The following ADH6 variants were observed in gnomAD, a reference collection of about 807,000 sequenced individuals.
The protein encoded by ADH6 is alcohol dehydrogenase 6.
A neutral mutation model predicts 36.5 loss-of-function variants in ADH6; 34 were observed. That is an observed-to-expected ratio of 0.93 (90% CI 0.71 to 1.24). The LOEUF is 1.24. ADH6 is among the 50% of genes most tolerant of loss of function. The pLI is 0.00. For missense variants in ADH6, 440 were observed against 447.0 expected (o/e 0.98, Z 0.14); for synonymous variants, 161 against 155.5 (o/e 1.04, Z -0.26).
At chr4:99,216,315 G>A in intron 1 of ADH6, 53 bp from the exon 2 acceptor site, 2 of 1,156,378 alleles carry the variant, frequency 1.7e-6, no homozygotes, top group Non-Finnish European at 1.2e-6. Context: ...CTTGGGAGTT[G>A]GAAGATTGCT....
intron 7 of ADH6, among the ~76,000 whole-genome samples, chr4:99,206,452 T>A (rs551280159): frequency 6.6e-6 from 1 of 152,268 alleles, no homozygotes; most frequent in South Asian, 2.1e-4. Context: ...GAATTAACAT[T>A]ATCATCTATA....
At position 99,202,750 on chromosome 4, in the gene ADH6, A is replaced by G. The variant is rs1730899932; in HGVS notation, c.*1469T>C. The stretch of plus-strand genomic sequence containing the variant: ...GACCCGAAGACTCCTCCAAGTTCTC[A>G]CTGTTAGTAAGGTCAATTTGGGGGC... On this transcript the variant is annotated 3_prime_UTR_variant, in exon 9 of 9. Transcript: ENST00000394899. The G allele has an allele frequency of 5.0e-6, 2 of 398,082 alleles. No homozygotes were observed. The highest frequency in any genetic ancestry group is 4.4e-5 in the Admixed American group (1 of 22,694). The allele number at this position is 398,082 out of a possible 1,614,324, so 24.7% of individuals were successfully genotyped here. A position where few individuals can be genotyped will look rare whatever the true frequency, so the allele number is the denominator to read the frequency against.
chr4:99,212,217 G>A (rs531641380), intron 3 of ADH6, among the ~76,000 whole-genome samples: 1 of 152,228 alleles, frequency 6.6e-6, no homozygotes, highest in African/African-American at 2.4e-5. Context: ...TGCATTTAGA[G>A]TCGAGCAAAT....
intron 8 of ADH6, 25 bp from the exon 9 acceptor site, chr4:99,204,268 A>G (rs768253305): frequency 1.2e-4 from 191 of 1,596,756 alleles, no homozygotes; most frequent in Admixed American, 1.5e-4. Flanking sequence ...AAGAGAAAAA[A>G]GGTTGGAACA....
chr4:99,215,344 T>C (rs188405298), intron 2 of ADH6, among the ~76,000 whole-genome samples: 1 of 152,316 alleles, frequency 6.6e-6, no homozygotes, highest in Non-Finnish European at 1.5e-5. Flanking sequence ...ATTAAAATAA[T>C]AACAAAGGAC....
chr4:99,218,514 C>T (rs1355771592), intron 1 of ADH6, among the ~76,000 whole-genome samples: 1 of 152,194 alleles, frequency 6.6e-6, no homozygotes, highest in Non-Finnish European at 1.5e-5. Flanking sequence ...GATGTTGTTA[C>T]CATTTGCTTA....
At chr4:99,208,952 T>A (rs372636724) in intron 5 of ADH6, 24 bp from the exon 6 acceptor site, 6 of 1,590,296 alleles carry the variant, frequency 3.8e-6, no homozygotes, top group Admixed American at 3.6e-5. Flanking sequence ...GGCAGAAAAC[T>A]CAGAAAACAA....
chr4:99,216,307 TG>T, intron 1 of ADH6, 45 bp from the exon 2 acceptor site: 1 of 1,326,238 alleles, frequency 7.5e-7, no homozygotes, highest in Non-Finnish European at 1.0e-6. Context: ...TCCTTAAGCT[TG>T]GGAGTTGGAA....
chr4:99,210,081 C>T lies in ADH6; in HGVS notation c.567+1G>A. On this transcript the variant is annotated splice_donor_variant, in intron 5 of 8. Transcript: ENST00000394899. LOFTEE classifies it high-confidence loss of function. Reference sequence around the variant, plus strand: ...TCCAAATGGGTATAAATGCCCCTCACCTTGGCAGTATTGATTGCAGCACCA... The same window carrying T: ...TCCAAATGGGTATAAATGCCCCTCATCTTGGCAGTATTGATTGCAGCACCA... 1 of 1,613,328 alleles carries T rather than the reference C, an allele frequency of 6.2e-7. No homozygotes were observed. The highest frequency in any genetic ancestry group is 8.5e-7 in the Non-Finnish European group (1 of 1,179,586).
rs745870343 is a variant in ADH6 at position 99,204,928 on chromosome 4, T to A, written c.1100A>T (p.Lys367Ile). 1.9e-6 allele frequency: 3 copies of A among 1,606,258 alleles called. No homozygotes were observed. In the African/African-American group the frequency reaches 4.0e-5, roughly 22 times the overall value. The change falls in exon 8 of 9, where the codon AAA becomes ATA. Residue 367 changes from lysine (K) to isoleucine (I), a missense_variant. By Grantham distance (102) the Lys-to-Ile change is moderately radical (BLOSUM62 -3). Transcript: ENST00000394899. ...NEAVELMKTG[K>I]CIRCILLL is the part of the protein sequence containing the mutation. ...AAAATTTATGTGGGCAGTTTACCAT[T>A]TTCCAGTTTTCATTAATTCAACTGC...
chr4:99,204,768 C>T, intron 8 of ADH6, 157 bp downstream of exon 8: 1 of 1,303,076 alleles, frequency 7.7e-7, no homozygotes, highest in Non-Finnish European at 9.7e-7. Context: ...AAACAAAATG[C>T]AGAGGGGAAG....
intron 2 of ADH6, among the ~76,000 whole-genome samples, 198 bp from the exon 3 acceptor site, chr4:99,213,945 A>T (rs1297180208): frequency 1.3e-5 from 2 of 152,242 alleles, no homozygotes; most frequent in Non-Finnish European, 2.9e-5. Context: ...CTGATTTCAG[A>T]ATCAAGATGA....
chr4:99,206,947 TA>T, intron 7 of ADH6, among the ~76,000 whole-genome samples: 1 of 152,222 alleles, frequency 6.6e-6, no homozygotes, highest in East Asian at 1.9e-4. Context: ...TTCCTCTGGG[TA>T]AAATAATTCT....
intron 2 of ADH6, among the ~76,000 whole-genome samples, chr4:99,215,404 A>G (rs1461367860): frequency 6.6e-6 from 1 of 152,242 alleles, no homozygotes; most frequent in Non-Finnish European, 1.5e-5. Context: ...GGAGGCCTAT[A>G]GAACCATCTG....
chr4:99,204,966 A>T lies in ADH6; in HGVS notation c.1062T>A (p.Asp354Glu). 6.2e-7 allele frequency: 1 copy of T among 1,608,680 alleles called. No homozygotes were observed. The highest frequency in any genetic ancestry group is 8.5e-7 in the Non-Finnish European group (1 of 1,178,074). ...DPLITHTLNL[D>E]KINEAVELMK... is the part of the protein sequence containing the mutation. ...TTAATTCAACTGCTTCATTGATTTT[A>T]TCAAGATTCAGAGTATGAGTAATTA... Residue 354 changes from aspartate (D) to glutamate (E), a missense_variant, in exon 8 of 9, where the codon GAT (aspartate) becomes GAA (glutamate). Physicochemically the swap from Asp to Glu is conservative, Grantham distance 45 (BLOSUM62 2). Transcript: ENST00000394899.
chr4:99,209,643 T>C (rs928635784), intron 5 of ADH6, among the ~76,000 whole-genome samples: 1 of 152,148 alleles, frequency 6.6e-6, no homozygotes, highest in Non-Finnish European at 1.5e-5. Context: ...TCCTTTTCTT[T>C]TTATTAGCAT....
intron 5 of ADH6, 106 bp from the exon 6 acceptor site, chr4:99,209,034 C>T (rs1731135037): frequency 1.6e-6 from 2 of 1,225,250 alleles, no homozygotes; most frequent in Non-Finnish European, 2.2e-6. Flanking sequence ...TTTAACGAGT[C>T]ATAAGCAAAT....
chr4:99,202,667 CAA>C lies in ADH6; in HGVS notation c.*1550_*1551del. 1 of 397,688 alleles carries C rather than the reference CAA, an allele frequency of 2.5e-6. No homozygotes were observed. The highest frequency in any genetic ancestry group is 4.4e-6 in the Non-Finnish European group (1 of 225,410). The allele number at this position is 397,688 out of a possible 1,614,324, so 24.6% of individuals were successfully genotyped here. A position where few individuals can be genotyped will look rare whatever the true frequency, so the allele number is the denominator to read the frequency against. ...CTTAAGGAACCGAGCTTTATTGGAGCAAAGAGTGTGGACACTGTTTACAACAA... is the reference window on the plus strand; with the variant it reads ...CTTAAGGAACCGAGCTTTATTGGAGCAGAGTGTGGACACTGTTTACAACAA... On this transcript the variant is annotated 3_prime_UTR_variant, in exon 9 of 9. Coordinates refer to ENST00000394899, the MANE Select transcript of ADH6 (RefSeq NM_001102470.2).
Position 99,207,518 on chromosome 4 carries a change from C to T in ADH6, c.892G>A (p.Ala298Thr), listed in dbSNP as rs1203065599. ...GVCVVVGVLP[A>T]SVQLKISGQL... ...CCACTGATTTTGAGTTGAACACTGGCAGGCAACACCCCAACAACCACACAG... is the reference window on the plus strand; with the variant it reads ...CCACTGATTTTGAGTTGAACACTGGTAGGCAACACCCCAACAACCACACAG... Residue 298 changes from alanine to threonine, a missense_variant, in exon 7 of 9, where the codon GCC (alanine) becomes ACC (threonine). Ala to Thr is a moderately conservative substitution (Grantham distance 58). Coordinates refer to ENST00000394899, the MANE Select transcript of ADH6 (RefSeq NM_001102470.2). The T allele has an allele frequency of 5.0e-6, 8 of 1,613,516 alleles. No individual in the cohort carries two copies. The Admixed American group carries it at 1.0e-4, about 20-fold the overall frequency.
Sources: gnomAD v4.1 joint callset for allele counts (sites outside exome capture counted in the v4.1 genomes callset) on GRCh38, gnomAD v4.1.1 for gene constraint, MANE v1.5 for transcripts, NCBI Gene and HGNC (gene_info 2026-07-23, HGNC 2026-07-21) for gene names.